Variants in ZNF397 observed in about 807,000 individuals in gnomAD.
The protein encoded by ZNF397 is zinc finger protein 397.
Under a neutral mutation model 50.6 loss-of-function variants are expected in ZNF397, and 38 were observed. The observed-to-expected ratio is 0.75, with a 90% confidence interval of 0.58 to 0.98. ZNF397 has a LOEUF of 0.98. Ranked by LOEUF, ZNF397 falls within the 50% of genes least tolerant of loss-of-function variation. The pLI is 0.00. For synonymous variants in ZNF397, 228 were observed against 215.2 expected (o/e 1.06, Z -0.52); for missense variants, 624 against 624.1 (o/e 1.00, Z 0.00).
downstream of ZNF397, among the ~76,000 whole-genome samples, chr18:35,250,422 C>T (rs1273900678): frequency 1.3e-5 from 2 of 152,192 alleles, no homozygotes; most frequent in African/African-American, 4.8e-5. Context: ...TTCCCTTCTG[C>T]TCAGGGCTGT....
chr18:35,245,463 TAGGAAA>T lies in ZNF397; in HGVS notation c.759_764del (p.Gly254_Lys255del). Reference sequence around the variant, plus strand: ...CAAGTGATCTTCACAAACAAATCTCTAGGAAAGAGAGACCTTTATGATGAGGCTGAA... The same window carrying T: ...CAAGTGATCTTCACAAACAAATCTCTGAGAGACCTTTATGATGAGGCTGAA... On this transcript the variant is annotated inframe_deletion, in exon 4 of 4. Transcript: ENST00000330501. 1.3e-6 allele frequency: 2 copies of T among 1,553,602 alleles called. No individual in the cohort carries two copies. The highest frequency in any genetic ancestry group is 1.7e-6 in the Non-Finnish European group (2 of 1,147,786).
rs1192180109 is a variant in ZNF397, at chr18:35,242,604, G to A, written c.134G>A (p.Cys45Tyr). The change falls in exon 2 of 4, where the codon TGC (cysteine) becomes TAC (tyrosine). Residue 45 changes from cysteine to tyrosine, a missense_variant. Physicochemically the swap from Cys to Tyr is radical, Grantham distance 194. Transcript: ENST00000330501. ...KFKQNGSTQSCQELFRQQFRK... is the reference protein window; with the variant it reads ...KFKQNGSTQSYQELFRQQFRK... ...AAGCAGAATGGGAGTACTCAATCCTGCCAAGAATTGTTTCGTCAGCAATTC... is the reference window on the plus strand; with the variant it reads ...AAGCAGAATGGGAGTACTCAATCCTACCAAGAATTGTTTCGTCAGCAATTC... The A allele has an allele frequency of 6.2e-7, 1 of 1,614,216 alleles. No individual in the cohort carries two copies. Among genetic ancestry groups the A allele is most frequent in the African/African-American group, 1.3e-5 (1 of 75,058 alleles).
At position 35,243,241 on chromosome 18, in the gene ZNF397, GC is replaced by G; in HGVS notation, c.507del (p.Leu170Ter). Reference sequence around the variant, plus strand: ...AAGAGTCAACAGACATCCACCTCCAGCCCTTAAAGACACAGCTGAAATCCTG... The same window carrying G: ...AAGAGTCAACAGACATCCACCTCCAGCCTTAAAGACACAGCTGAAATCCTG... ...SQESTDIHLQ[P>X]LKTQLKSWKP... On this transcript the variant is annotated frameshift_variant, in exon 3 of 4. Coordinates refer to ENST00000330501, the MANE Select transcript of ZNF397 (RefSeq NM_001135178.3). LOFTEE classifies it high-confidence loss of function. The G allele has an allele frequency of 6.2e-7, 1 of 1,614,220 alleles. No individual in the cohort carries two copies. The highest frequency in any genetic ancestry group is 1.3e-5 in the African/African-American group (1 of 75,056).
At chr18:35,253,899 T>C, downstream of ZNF397, 1 of 1,614,156 alleles carries the variant, frequency 6.2e-7, no homozygotes, top group Non-Finnish European at 8.5e-7. Flanking sequence ...CTCTGATGTC[T>C]AACAAGGTCT....
rs1448919389 is a variant in ZNF397, at chr18:35,245,302, A to G, written c.597A>G (p.Ser199=). The G allele has an allele frequency of 1.2e-6, 2 of 1,611,606 alleles. No homozygotes were observed. Among genetic ancestry groups the G allele is most frequent in the Middle Eastern group, 1.7e-4 (1 of 6,058 alleles). ...NSETATKEGI[S]EEKSQGLPQE... ...AAACAGCAACAAAAGAGGGCATCTC[A>G]GAAGAAAAATCACAGGGACTCCCTC... The change falls in exon 4 of 4, where the codon TCA becomes TCG. Residue 199 remains serine, a synonymous_variant. Coordinates refer to ENST00000330501, the MANE Select transcript of ZNF397 (RefSeq NM_001135178.3).
chr18:35,254,011 C>T (rs754394428), downstream of ZNF397: 2 of 1,614,214 alleles, frequency 1.2e-6, no homozygotes, highest in East Asian at 2.2e-5. Flanking sequence ...GGCAAAAGGC[C>T]TTCCCACAGT....
Position 35,245,520 on chromosome 18 carries a change from CTA to C in ZNF397, c.818_819del (p.Ile273AsnfsTer13). The C allele has an allele frequency of 6.4e-7, 1 of 1,552,396 alleles. No individual in the cohort carries two copies. The highest frequency in any genetic ancestry group is 1.2e-5 in the South Asian group (1 of 84,076). On this transcript the variant is annotated frameshift_variant, in exon 4 of 4. Transcript: ENST00000330501. LOFTEE classifies it high-confidence loss of function. The stretch of plus-strand genomic sequence containing the variant: ...AGATGCTTGATTCTAACTACAGACT[CTA>C]TAATGTGTCAGAAAGTTCCTCCAGA...
chr18:35,242,056 C>T (rs1912542351), intron 1 of ZNF397, among the ~76,000 whole-genome samples: 1 of 151,934 alleles, frequency 6.6e-6, no homozygotes, highest in African/African-American at 2.4e-5. Context: ...TTTATTAATA[C>T]ATACATGTTA....
At chr18:35,254,397 GA>G, downstream of ZNF397, 1 of 1,613,896 alleles carries the variant, frequency 6.2e-7, no homozygotes, top group Non-Finnish European at 8.5e-7. Flanking sequence ...AATGTGAATA[GA>G]AAGTGTAAGT....
At position 35,245,476 on chromosome 18, in the gene ZNF397, C is replaced by G. The variant is rs770728378; in HGVS notation, c.771C>G (p.Asp257Glu). ...CAAACAAATCTCTAGGAAAGAGAGACCTTTATGATGAGGCTGAAAGATGCT... is the reference window on the plus strand; with the variant it reads ...CAAACAAATCTCTAGGAAAGAGAGAGCTTTATGATGAGGCTGAAAGATGCT... ...IFTNKSLGKR[D>E]LYDEAERCLI... The change falls in exon 4 of 4, where the codon GAC becomes GAG. Residue 257 changes from aspartate (D) to glutamate (E), a missense_variant. By Grantham distance (45) the Asp-to-Glu change is conservative. Coordinates refer to ENST00000330501, the MANE Select transcript of ZNF397 (RefSeq NM_001135178.3). 1 of 1,552,892 alleles carries G rather than the reference C, an allele frequency of 6.4e-7. No individual in the cohort carries two copies. The highest frequency in any genetic ancestry group is 1.2e-5 in the South Asian group (1 of 84,128).
At chr18:35,254,117 AG>A (rs1252545740), downstream of ZNF397, 11 of 1,614,044 alleles carry the variant, frequency 6.8e-6, no homozygotes, top group Non-Finnish European at 9.3e-6. Flanking sequence ...ATGAGATTCA[AG>A]GACACTGTGT....
chr18:35,253,698 A>G, downstream of ZNF397: 2 of 1,614,178 alleles, frequency 1.2e-6, no homozygotes, highest in Admixed American at 1.7e-5. Context: ...ATACATTCAT[A>G]GCTTTTATCT....
chr18:35,251,864 T>C (rs1306836582), downstream of ZNF397: 1 of 152,066 alleles, frequency 6.6e-6, no homozygotes, highest in African/African-American at 2.4e-5. Context: ...AATGGACTAA[T>C]ACAAGCAGTG....
At position 35,247,327 on chromosome 18, in the gene ZNF397, C is replaced by G; in HGVS notation, c.*1017C>G. ...GTGGTTTCCTTGCCCAACCTGTAGGCTATCCTAGAACTTCCATGAGGGTGG... is the reference window on the plus strand; with the variant it reads ...GTGGTTTCCTTGCCCAACCTGTAGGGTATCCTAGAACTTCCATGAGGGTGG... On this transcript the variant is annotated 3_prime_UTR_variant, in exon 4 of 4. Coordinates refer to ENST00000330501, the MANE Select transcript of ZNF397 (RefSeq NM_001135178.3). 4.4e-6 allele frequency: 1 copy of G among 228,108 alleles called. No homozygotes were observed. Among genetic ancestry groups the G allele is most frequent in the South Asian group, 1.6e-4 (1 of 6,244 alleles). 14.1% of individuals were successfully genotyped at this position (228,108 alleles called of 1,614,324 possible).
chr18:35,255,557 G>A (rs35960670), intron 5 of ZNF397, among the ~76,000 whole-genome samples: 40 of 151,932 alleles, frequency 2.6e-4, no homozygotes, highest in Non-Finnish European at 4.3e-4. Context: ...AAGGATGCAG[G>A]GCTGTAGTTG....
In ZNF397 at chr18:35,245,955, G is replaced by A. The variant is rs999640418; in HGVS notation, c.1250G>A (p.Arg417Gln). ...AGCTCAAAACTCATTAGACATCAGC[G>A]AATTCACACAGGAGAGAGACCCTAT... The part of the protein sequence containing the change: ...SQSSKLIRHQ[R>Q]IHTGERPYEC... The change falls in exon 4 of 4, where the codon CGA (arginine) becomes CAA (glutamine). Residue 417 changes from arginine (R) to glutamine (Q), a missense_variant. Transcript: ENST00000330501. 4.4e-6 allele frequency: 7 copies of A among 1,581,630 alleles called. No individual in the cohort carries two copies. Among genetic ancestry groups the A allele is most frequent in the South Asian group, 1.2e-5 (1 of 86,586 alleles).
chr18:35,253,868 G>C (rs761585622), downstream of ZNF397: 4 of 1,614,064 alleles, frequency 2.5e-6, no homozygotes, highest in Non-Finnish European at 3.4e-6. Flanking sequence ...ACATTCATAG[G>C]GTTTTTCACC....
At chr18:35,250,115 G>GTA (rs1179930366), downstream of ZNF397, among the ~76,000 whole-genome samples, 1 of 152,112 alleles carries the variant, frequency 6.6e-6, no homozygotes, top group African/African-American at 2.4e-5. Flanking sequence ...AGTCTACAAA[G>GTA]TATAAATCTG....
downstream of ZNF397, chr18:35,253,925 G>A (rs1291850029): frequency 1.9e-6 from 3 of 1,613,962 alleles, no homozygotes; most frequent in Non-Finnish European, 1.7e-6. Context: ...CAAACTGAAG[G>A]CTTTGCCACA....
Sources: gnomAD v4.1 joint callset for allele counts (sites outside exome capture counted in the v4.1 genomes callset) on GRCh38, gnomAD v4.1.1 for gene constraint, MANE v1.5 for transcripts, NCBI Gene and HGNC (gene_info 2026-07-23, HGNC 2026-07-21) for gene names.